RB1: variants seen among roughly 807,000 people sequenced by gnomAD.
RB1 encodes RB transcriptional corepressor 1.
RB1 carries 18 observed loss-of-function variants against 135.4 expected under a neutral mutation model. The ratio of observed to expected loss-of-function variants is 0.13; its 90% CI spans 0.09 to 0.20. The LOEUF is 0.20. Ranked by LOEUF, RB1 falls within the 10% of genes least tolerant of loss-of-function variation. The pLI, the probability that RB1 is intolerant of heterozygous loss-of-function variation, is 1.00. For synonymous variants in RB1, 365 were observed against 373.2 expected (o/e 0.98, Z 0.25); for missense variants, 868 against 1,110.0 (o/e 0.78, Z 3.10).
At chr13:48,347,470 C>T (rs1952508391) in intron 4 of RB1, among the ~76,000 whole-genome samples, 2 of 152,042 alleles carry the variant, frequency 1.3e-5, no homozygotes, top group Admixed American at 6.6e-5. Flanking sequence ...TGGATTTGGC[C>T]TCAAAAGACC....
At chr13:48,479,372 G>T (rs1949523330) in intron 26 of RB1, among the ~76,000 whole-genome samples, 1 of 152,208 alleles carries the variant, frequency 6.6e-6, no homozygotes. Context: ...TGGGCCAGCC[G>T]AGTATTCTAG....
chr13:48,452,875 C>G (rs1162329229), intron 17 of RB1, 118 bp from the exon 18 acceptor site: 1 of 1,397,234 alleles, frequency 7.2e-7, no homozygotes, highest in Non-Finnish European at 9.7e-7. Flanking sequence ...TTTAAATTGC[C>G]ACTGTCAATT....
At chr13:48,478,924 C>T (rs965827625) in intron 26 of RB1, among the ~76,000 whole-genome samples, 3 of 152,036 alleles carry the variant, frequency 2.0e-5, no homozygotes, top group Non-Finnish European at 4.4e-5. Context: ...TCATAATATG[C>T]TTTTAACATG....
At chr13:48,335,351 C>A (rs527372821) in intron 2 of RB1, among the ~76,000 whole-genome samples, 44 of 152,170 alleles carry the variant, frequency 2.9e-4, no homozygotes, top group African/African-American at 1.0e-3. Context: ...ATCTATTACA[C>A]TAAATCTTTT....
At chr13:48,317,321 C>G in intron 2 of RB1, 1 of 395,762 alleles carries the variant, frequency 2.5e-6, no homozygotes, top group Non-Finnish European at 4.5e-6. Context: ...CCCTCGGACC[C>G]CTTGTCTTTC....
intron 18 of RB1, among the ~76,000 whole-genome samples, chr13:48,455,001 A>G (rs1949351331): frequency 6.6e-6 from 1 of 152,214 alleles, no homozygotes; most frequent in South Asian, 2.1e-4. Flanking sequence ...GGAAAGGGAC[A>G]GGGCAAGGCA....
In RB1 at chr13:48,358,296, G is replaced by A. The variant is rs1255432764; in HGVS notation, c.608-1721G>A. Among the ~76,000 whole-genome samples the A allele has an allele frequency of 2.0e-5, 3 of 152,108 alleles. No individual in the cohort carries two copies. The East Asian group carries it at 5.8e-4, about 29-fold the overall frequency. The stretch of plus-strand genomic sequence containing the variant: ...TTTTCTATGTTTACATAATCACTGT[G>A]CTTTTCCCCCTCGTATTGCTGGGAC... On this transcript the variant is annotated intron_variant, in intron 6 of 26. Transcript: ENST00000267163.
rs983964015 is a variant in RB1, at chr13:48,328,194, G to T, written c.265-14405G>T. Reference sequence around the variant, plus strand: ...ATTGAAGGAGTTTGGTCCAGCTGATGTTGGTGTATCCCTTGCAATATTCTT... The same window carrying T: ...ATTGAAGGAGTTTGGTCCAGCTGATTTTGGTGTATCCCTTGCAATATTCTT... On this transcript the variant is annotated intron_variant, in intron 2 of 26. Transcript: ENST00000267163. 16 of 1,489,146 alleles carry T rather than the reference G, an allele frequency of 1.1e-5. No homozygotes were observed. In the African/African-American group the frequency reaches 1.8e-4, roughly 17 times the overall value. The allele number at this position is 1,489,146 out of a possible 1,614,324, so 92.2% of individuals were successfully genotyped here. A position where few individuals can be genotyped will look rare whatever the true frequency, so the allele number is the denominator to read the frequency against.
intron 12 of RB1, among the ~76,000 whole-genome samples, chr13:48,376,303 C>A (rs1277211541): frequency 6.6e-6 from 1 of 151,998 alleles, no homozygotes; most frequent in Non-Finnish European, 1.5e-5. Context: ...GAGTTCGAGA[C>A]CAGGCTGGTC....
At chr13:48,412,472 A>G in intron 17 of RB1, 1 of 1,235,038 alleles carries the variant, frequency 8.1e-7, no homozygotes, top group Non-Finnish European at 1.2e-6. Flanking sequence ...CATCAGCTGC[A>G]GTCTCCTTTG....
intron 17 of RB1, among the ~76,000 whole-genome samples, chr13:48,405,529 A>C (rs1298788384): frequency 2.0e-5 from 3 of 152,176 alleles, no homozygotes; most frequent in African/African-American, 7.2e-5. Flanking sequence ...CACAGACCAT[A>C]AATTTTGTTT....
chr13:48,333,050 A>C (rs1952350700), intron 2 of RB1: 1 of 398,300 alleles, frequency 2.5e-6, no homozygotes. Context: ...ACCATGGTTG[A>C]CCATGGGAAA....
At chr13:48,476,891 G>A (rs1949507826) in intron 25 of RB1, 48 bp downstream of exon 25, 1 of 1,600,858 alleles carries the variant, frequency 6.2e-7, no homozygotes, top group Non-Finnish European at 8.6e-7. Context: ...TGGTCATCTG[G>A]GGAATCCAGA....
chr13:48,396,723 G>A (rs1379641195), intron 17 of RB1, among the ~76,000 whole-genome samples: 1 of 152,126 alleles, frequency 6.6e-6, no homozygotes, highest in African/African-American at 2.4e-5. Flanking sequence ...CTACAGAATG[G>A]GAGAAAATTT....
Position 48,388,274 on chromosome 13 carries a change from G to A in RB1, c.1695+6831G>A, listed in dbSNP as rs115349212. 6.5e-3 allele frequency among the ~76,000 whole-genome samples: 995 copies of A among 152,246 alleles called. 15 individuals carry two copies. Among genetic ancestry groups the A allele is most frequent in the African/African-American group, 0.023 (947 of 41,540 alleles). ...TTGTATAACTTAAGTGGATAGTAGTGTCATTCATTAAAATAAGATACCTAG... is the reference window on the plus strand; with the variant it reads ...TTGTATAACTTAAGTGGATAGTAGTATCATTCATTAAAATAAGATACCTAG... On this transcript the variant is annotated intron_variant, in intron 17 of 26. Coordinates refer to ENST00000267163, the MANE Select transcript of RB1 (RefSeq NM_000321.3).
chr13:48,354,624 G>T (rs977964314), intron 6 of RB1, among the ~76,000 whole-genome samples: 8 of 151,758 alleles, frequency 5.3e-5, no homozygotes, highest in Non-Finnish European at 1.2e-4. Flanking sequence ...CCAGAATAGC[G>T]AAAACTATCC....
chr13:48,414,630 A>G (rs1948876803), intron 17 of RB1, among the ~76,000 whole-genome samples: 1 of 151,462 alleles, frequency 6.6e-6, no homozygotes. Context: ...TTTCTCATAA[A>G]TTACTTAGCT....
intron 18 of RB1, among the ~76,000 whole-genome samples, chr13:48,455,498 A>G (rs1230412383): frequency 6.6e-6 from 1 of 152,224 alleles, no homozygotes; most frequent in Admixed American, 6.5e-5. Flanking sequence ...TTAATATACT[A>G]CGTGTTGTAG....
intron 2 of RB1, chr13:48,341,435 A>AT (rs1278383010): frequency 2.9e-4 from 44 of 152,082 alleles, no homozygotes; most frequent in African/African-American, 1.0e-3. Context: ...ATCTGGGAGT[A>AT]GAATTGCTAT....
Sources: allele counts gnomAD v4.1 joint callset (sites outside exome capture counted in the v4.1 genomes callset), GRCh38; gene constraint gnomAD v4.1.1; transcripts MANE v1.5; gene names NCBI Gene and HGNC (gene_info 2026-07-23, HGNC 2026-07-21).